Variants in B9D1 observed in about 807,000 individuals in gnomAD.
B9D1 encodes the protein B9 domain-containing protein 1.
Under a neutral mutation model 26.1 loss-of-function variants are expected in B9D1, and 20 were observed. That is an observed-to-expected ratio of 0.77 (90% CI 0.54 to 1.12). The LOEUF (loss-of-function observed/expected upper bound fraction) is 1.12. Ranked by LOEUF, B9D1 falls within the 50% of genes most tolerant of loss-of-function variation. The probability of loss-of-function intolerance (pLI) is 0.00; values close to 1 mark genes in which losing one functional copy is unlikely to be tolerated. For missense variants in B9D1, 260 were observed against 273.7 expected (o/e 0.95, Z 0.35); for synonymous variants, 105 against 103.1 (o/e 1.02, Z -0.11).
At chr17:19,346,415 G>A (rs1476606166) in intron 5 of B9D1, among the ~76,000 whole-genome samples, 3 of 152,232 alleles carry the variant, frequency 2.0e-5, no homozygotes, top group Admixed American at 1.3e-4. Context: ...CCCAGTACTG[G>A]CCAGGCTCGC....
At chr17:19,360,535 G>C in intron 1 of B9D1, 147 bp from the exon 2 acceptor site, 3 of 742,596 alleles carry the variant, frequency 4.0e-6, no homozygotes, top group Non-Finnish European at 4.8e-6. Flanking sequence ...CAGAGGAGAG[G>C]CTGAGGACCA....
chr17:19,340,549 G>A (rs1907850246), downstream of B9D1, among the ~76,000 whole-genome samples: 1 of 150,614 alleles, frequency 6.6e-6, no homozygotes, highest in African/African-American at 2.4e-5. Context: ...GGAAGCTGGT[G>A]CAGGCGGATC....
rs1406009081 is a variant in B9D1 at position 19,357,809 on chromosome 17, A to G, written c.244+31T>C. On this transcript the variant is annotated intron_variant, in intron 3 of 6. Transcript: ENST00000261499. ...GGGGGTGCTGTGTGAAAGCTCTGCC[A>G]CCCTACCCCACAGGGCCCCTGCAGA... The G allele has an allele frequency of 7.7e-6, 12 of 1,552,826 alleles. No individual in the cohort carries two copies. The Middle Eastern group carries it at 6.0e-4, about 77-fold the overall frequency.
At chr17:19,366,088 T>G (rs1911579942), upstream of B9D1, among the ~76,000 whole-genome samples, 1 of 151,910 alleles carries the variant, frequency 6.6e-6, no homozygotes, top group Admixed American at 6.6e-5. Context: ...CCCCACAGTC[T>G]GCTCCCCACT....
intron 1 of B9D1, among the ~76,000 whole-genome samples, chr17:19,360,654 A>G (rs947083779): frequency 6.6e-6 from 1 of 152,038 alleles, no homozygotes; most frequent in Non-Finnish European, 1.5e-5. Flanking sequence ...ACTCCTGCTC[A>G]CCCTTCAAAA....
intron 3 of B9D1, among the ~76,000 whole-genome samples, chr17:19,353,006 T>G (rs552591491): frequency 6.7e-6 from 1 of 150,050 alleles, no homozygotes; most frequent in Non-Finnish European, 1.5e-5. Flanking sequence ...AGATGGAGTC[T>G]CACTCTGTCG....
chr17:19,350,266 C>T (rs760745565), intron 3 of B9D1, among the ~76,000 whole-genome samples: 34 of 151,990 alleles, frequency 2.2e-4, no homozygotes, highest in Admixed American at 3.9e-4. Context: ...AAAAATTAGG[C>T]GAGGCGCGGT....
downstream of B9D1, chr17:19,337,565 C>T (rs1172864463): frequency 2.2e-5 from 15 of 668,332 alleles, no homozygotes; most frequent in East Asian, 5.6e-5. Context: ...AGGGGGTGCC[C>T]GTTCAGTGCA....
intron 3 of B9D1, among the ~76,000 whole-genome samples, chr17:19,350,228 G>T (rs193211567): frequency 1.5e-3 from 221 of 152,022 alleles, no homozygotes; most frequent in Non-Finnish European, 2.4e-3. Flanking sequence ...TGGGTAACGT[G>T]GCAAAACCCC....
At chr17:19,342,825 A>G (rs751133029), downstream of B9D1, among the ~76,000 whole-genome samples, 2 of 152,156 alleles carry the variant, frequency 1.3e-5, no homozygotes, top group Non-Finnish European at 2.9e-5. Context: ...TCCAGCTCCC[A>G]ATAACAGGGT....
intron 3 of B9D1, among the ~76,000 whole-genome samples, chr17:19,349,425 G>A (rs145441763): frequency 6.9e-6 from 1 of 144,762 alleles, no homozygotes; most frequent in African/African-American, 2.6e-5. Context: ...TTGCTCTGTT[G>A]CCCAGGCTGG....
chr17:19,369,206 AGAAGTGAAGGGTT>A (rs1421729598), intron 1 of B9D1, among the ~76,000 whole-genome samples: 3 of 152,188 alleles, frequency 2.0e-5, no homozygotes, highest in African/African-American at 7.2e-5. Flanking sequence ...AAGTCCAGAA[AGAAGTGAAGGGTT>A]GAGTCATGCA....
At position 19,345,390 on chromosome 17, in the gene B9D1, G is replaced by C. The variant is rs566988130; in HGVS notation, c.405-1533C>G. The stretch of plus-strand genomic sequence containing the variant: ...TGAAGACTAGACTGGAGGGGTGGCA[G>C]CAGGCTGAATGACGGCCCCTCAAAG... On this transcript the variant is annotated intron_variant, in intron 5 of 6. Transcript: ENST00000261499. Among the ~76,000 whole-genome samples the C allele has an allele frequency of 3.9e-5, 6 of 152,338 alleles. No individual in the cohort carries two copies. In the East Asian group the frequency reaches 9.7e-4, roughly 25 times the overall value.
At chr17:19,346,818 G>A (rs1908867909) in intron 5 of B9D1, 2 of 1,006,162 alleles carry the variant, frequency 2.0e-6, no homozygotes, top group Non-Finnish European at 2.7e-6. Context: ...TGTTCCCTGT[G>A]CCTGATGTTC....
Position 19,357,822 on chromosome 17 carries a change from G to A in B9D1, c.244+18C>T. The A allele has an allele frequency of 6.3e-7, 1 of 1,591,300 alleles. No homozygotes were observed. The highest frequency in any genetic ancestry group is 1.9e-4 in the Middle Eastern group (1 of 5,382). ...GAAAGCTCTGCCACCCTACCCCACA[G>A]GGCCCCTGCAGACTCACAGCCGTAG... On this transcript the variant is annotated intron_variant, in intron 3 of 6. Transcript: ENST00000261499.
chr17:19,366,336 C>T (rs1911591161), upstream of B9D1, among the ~76,000 whole-genome samples: 1 of 152,072 alleles, frequency 6.6e-6, no homozygotes, highest in African/African-American at 2.4e-5. Context: ...ATCCTCCTCC[C>T]AGGAGCTTGT....
In B9D1 at chr17:19,347,809, C is replaced by T. The variant is rs770853834; in HGVS notation, c.316G>A (p.Val106Met). 2.1e-5 allele frequency: 34 copies of T among 1,613,984 alleles called. No homozygotes were observed. The highest frequency in any genetic ancestry group is 3.3e-5 in the Admixed American group (2 of 59,998). ...CGGCCAGGTGAGAAGGGCACGTGCA[C>T]GGCCCCATAGCCTCGAACCACATCG... is the stretch of plus-strand genomic sequence containing the variant. ...GNDVVRGYGAVHVPFSPGRHK... is the reference protein window; with the variant it reads ...GNDVVRGYGAMHVPFSPGRHK... The change falls in exon 4 of 7, where the codon GTG (valine) becomes ATG (methionine). Residue 106 changes from valine (V) to methionine (M), a missense_variant. Coordinates refer to ENST00000261499, the MANE Select transcript of B9D1 (RefSeq NM_015681.6). This position sits in a 1 kb window ranked among gnomAD's most constrained non-coding sequence, Gnocchi z 4.3.
upstream of B9D1, among the ~76,000 whole-genome samples, chr17:19,366,594 C>T (rs76560883): frequency 0.025 from 3,850 of 152,176 alleles, 168 homozygotes; most frequent in African/African-American, 0.088. Flanking sequence ...TTCCCAAGAT[C>T]ACAGTGAGTT....
At chr17:19,345,842 G>A (rs1241479352) in intron 5 of B9D1, among the ~76,000 whole-genome samples, 5 of 152,200 alleles carry the variant, frequency 3.3e-5, no homozygotes, top group African/African-American at 1.2e-4. Context: ...GGAGAGGGGT[G>A]GGGATGACCG....
Sources: allele counts gnomAD v4.1 joint callset (sites outside exome capture counted in the v4.1 genomes callset), GRCh38; gene constraint gnomAD v4.1.1; non-coding constraint Gnocchi (gnomAD v3.1); transcripts MANE v1.5; gene names NCBI Gene and HGNC (gene_info 2026-07-23, HGNC 2026-07-21).